NELL1: variants seen among roughly 807,000 people sequenced by gnomAD.
NELL1 encodes protein kinase C-binding protein NELL1.
In NELL1, 76 loss-of-function variants were observed where a neutral mutation model predicts 107.4. That is an observed-to-expected ratio of 0.71 (90% CI 0.59 to 0.86). The LOEUF (loss-of-function observed/expected upper bound fraction) is 0.86, where lower values mean the gene tolerates loss of function less well. NELL1 is among the 40% of genes least tolerant of loss of function. The pLI is 0.00. For synonymous variants in NELL1, 353 were observed against 341.2 expected (o/e 1.03, Z -0.38); for missense variants, 1,024 against 1,005.5 (o/e 1.02, Z -0.25).
At chr11:20,827,062 G>A (rs1400280210) in intron 3 of NELL1, among the ~76,000 whole-genome samples, 5 of 151,142 alleles carry the variant, frequency 3.3e-5, no homozygotes, top group Non-Finnish European at 7.4e-5. Flanking sequence ...CACAGCCCTG[G>A]TTTTGCAATA....
chr11:21,073,575 T>G (rs1022454776), intron 12 of NELL1, among the ~76,000 whole-genome samples: 2 of 152,152 alleles, frequency 1.3e-5, no homozygotes, highest in Non-Finnish European at 2.9e-5. Flanking sequence ...TTAAAGCCCA[T>G]GTATGGCATC....
At chr11:20,795,987 T>C (rs191333789) in intron 3 of NELL1, among the ~76,000 whole-genome samples, 4 of 152,234 alleles carry the variant, frequency 2.6e-5, no homozygotes, top group South Asian at 2.1e-4. Context: ...AGGTATCCAT[T>C]GATTACCACA....
intron 3 of NELL1, among the ~76,000 whole-genome samples, chr11:20,834,418 A>G (rs1157591912): frequency 1.3e-5 from 2 of 152,126 alleles, no homozygotes; most frequent in Admixed American, 6.6e-5. Context: ...GATGTTGAGT[A>G]GGTAGTTGGT....
At chr11:21,441,553 C>A (rs933152237) in intron 15 of NELL1, among the ~76,000 whole-genome samples, 1 of 151,966 alleles carries the variant, frequency 6.6e-6, no homozygotes, top group African/African-American at 2.4e-5. Flanking sequence ...GATATTGTAA[C>A]ACTTTCATTA....
intron 16 of NELL1, among the ~76,000 whole-genome samples, chr11:21,538,404 CAT>C (rs1186580201): frequency 6.6e-6 from 1 of 152,086 alleles, no homozygotes; most frequent in Non-Finnish European, 1.5e-5. Flanking sequence ...TAAAGTGTAA[CAT>C]ATGATTGAAG....
intron 12 of NELL1, among the ~76,000 whole-genome samples, chr11:21,015,113 C>G (rs1852535623): frequency 6.6e-6 from 1 of 151,988 alleles, no homozygotes; most frequent in African/African-American, 2.4e-5. Flanking sequence ...CGTCTTCTTT[C>G]TGTTTTCTTT....
chr11:21,521,993 G>T (rs576295832), intron 15 of NELL1, among the ~76,000 whole-genome samples: 17 of 152,188 alleles, frequency 1.1e-4, no homozygotes, highest in African/African-American at 4.1e-4. Context: ...ATAAATTCCG[G>T]ATATTCGTTT....
At chr11:21,236,813 C>T (rs11025987) in intron 14 of NELL1, among the ~76,000 whole-genome samples, 2 of 152,034 alleles carry the variant, frequency 1.3e-5, no homozygotes, top group Admixed American at 6.6e-5. Context: ...GTCAAGACAA[C>T]ATGGGGGACA....
chr11:20,689,801 A>G (rs1482324259), intron 2 of NELL1, among the ~76,000 whole-genome samples: 1 of 151,762 alleles, frequency 6.6e-6, no homozygotes, highest in African/African-American at 2.4e-5. Context: ...GTATATACTC[A>G]GTAATGGGAT....
intron 13 of NELL1, among the ~76,000 whole-genome samples, chr11:21,166,435 G>A (rs1348971055): frequency 1.3e-5 from 2 of 151,726 alleles, no homozygotes; most frequent in African/African-American, 4.9e-5. Context: ...AATTTTAAAA[G>A]TTAAAAATGA....
rs183229857 is a variant in NELL1, at chr11:21,325,340, C to T, written c.1550-45513C>T. On this transcript the variant is annotated intron_variant, in intron 14 of 19. Coordinates refer to ENST00000357134, the MANE Select transcript of NELL1 (RefSeq NM_006157.5). Reference sequence around the variant, plus strand: ...GCTTCAGAGGATTTTTTACCTTAAGCTTTGTCAACATCTCTGATTTATTTC... The same window carrying T: ...GCTTCAGAGGATTTTTTACCTTAAGTTTTGTCAACATCTCTGATTTATTTC... 1.4e-3 allele frequency among the ~76,000 whole-genome samples: 216 copies of T among 152,098 alleles called. 1 individual carries two copies. Among genetic ancestry groups the T allele is most frequent in the African/African-American group, 4.7e-3 (197 of 41,546 alleles).
chr11:21,367,523 G>GTC (rs1851255927), intron 14 of NELL1, among the ~76,000 whole-genome samples: 1 of 152,086 alleles, frequency 6.6e-6, no homozygotes, highest in African/African-American at 2.4e-5. Context: ...GATCTTTGCC[G>GTC]TCTTACTGCA....
chr11:20,696,383 G>A (rs550877614), intron 2 of NELL1, among the ~76,000 whole-genome samples: 1 of 151,866 alleles, frequency 6.6e-6, no homozygotes, highest in Non-Finnish European at 1.5e-5. Context: ...TTTTTGTCTT[G>A]TTACTCTGGG....
intron 14 of NELL1, among the ~76,000 whole-genome samples, chr11:21,326,072 T>G (rs77207720): frequency 0.072 from 6,344 of 88,026 alleles, 293 homozygotes; most frequent in Non-Finnish European, 0.11. Flanking sequence ...TTTTTTTTTT[T>G]TTTTTTTTTG....
intron 14 of NELL1, among the ~76,000 whole-genome samples, chr11:21,238,524 T>C (rs1269429010): frequency 6.6e-6 from 1 of 151,820 alleles, no homozygotes; most frequent in Non-Finnish European, 1.5e-5. Context: ...AAATGAGAGG[T>C]CGTAGTGGAG....
chr11:20,795,258 T>C (rs548076868), intron 3 of NELL1, among the ~76,000 whole-genome samples: 2 of 152,288 alleles, frequency 1.3e-5, no homozygotes, highest in South Asian at 2.1e-4. Flanking sequence ...CATGGATATC[T>C]TAAGTGGGCA....
chr11:21,408,685 G>A (rs1852292795), intron 15 of NELL1, among the ~76,000 whole-genome samples: 1 of 151,948 alleles, frequency 6.6e-6, no homozygotes, highest in Non-Finnish European at 1.5e-5. Flanking sequence ...GATCCCATTT[G>A]TCAATTTTGG....
chr11:21,228,704 C>T (rs1590752500), intron 13 of NELL1, among the ~76,000 whole-genome samples: 1 of 3,772 alleles, frequency 2.7e-4, no homozygotes, highest in Non-Finnish European at 9.1e-4. Flanking sequence ...CTCTCCTTCC[C>T]TCCCCTCCCA....
At chr11:20,923,387 A>G (rs1850422671) in intron 7 of NELL1, among the ~76,000 whole-genome samples, 1 of 152,212 alleles carries the variant, frequency 6.6e-6, no homozygotes, top group African/African-American at 2.4e-5. Flanking sequence ...AGCTCTCTTG[A>G]GGAATTCTGG....
Sources: gnomAD v4.1 joint callset for allele counts (sites outside exome capture counted in the v4.1 genomes callset) on GRCh38, gnomAD v4.1.1 for gene constraint, MANE v1.5 for transcripts, NCBI Gene and HGNC (gene_info 2026-07-23, HGNC 2026-07-21) for gene names.